The following EPHB2 variants were observed in gnomAD, a reference collection of about 807,000 sequenced individuals.
EPHB2 encodes the protein ephrin type-B receptor 2.
In EPHB2, 18 loss-of-function variants were observed where a neutral mutation model predicts 96.4. The ratio of observed to expected loss-of-function variants is 0.19; its 90% confidence interval spans 0.13 to 0.28. EPHB2 has a LOEUF of 0.28. Among genes scored for constraint, EPHB2 ranks in the 10% least tolerant of loss-of-function variants. The probability of loss-of-function intolerance (pLI) is 1.00; values close to 1 mark genes in which losing one functional copy is unlikely to be tolerated. For synonymous variants in EPHB2, 506 were observed against 534.1 expected (o/e 0.95, Z 0.72); for missense variants, 989 against 1,355.4 (o/e 0.73, Z 4.25).
Position 22,918,010 on chromosome 1 carries a change from G to A in EPHB2, c.*4440G>A, listed in dbSNP as rs1640311353. The stretch of plus-strand genomic sequence containing the variant: ...GAAGTGAAGGTTGATATAAGTGGAG[G>A]TTGAGGCAGTTTAGGCGTGATGTAC... On this transcript the variant is annotated 3_prime_UTR_variant, in exon 16 of 16. Transcript: ENST00000374630. The surrounding 1 kb of genome is among the most constrained non-coding windows in gnomAD (Gnocchi z 4.2). 1 of 152,446 alleles carries A rather than the reference G, an allele frequency of 6.6e-6. No individual in the cohort carries two copies. Among genetic ancestry groups the A allele is most frequent in the Non-Finnish European group, 1.5e-5 (1 of 68,262 alleles). 9.4% of individuals were successfully genotyped at this position (152,446 alleles called of 1,614,324 possible).
At chr1:22,823,560 A>G (rs1645182134) in intron 3 of EPHB2, among the ~76,000 whole-genome samples, 1 of 144,198 alleles carries the variant, frequency 6.9e-6, no homozygotes, top group Non-Finnish European at 1.5e-5. Context: ...CTAGACTGTG[A>G]TGCTCATACA....
Position 22,781,757 on chromosome 1 carries a change from C to G in EPHB2, c.126+272C>G, listed in dbSNP as rs141487311. Among the ~76,000 whole-genome samples the G allele has an allele frequency of 3.4e-3, 523 of 152,242 alleles. 1 individual carries two copies. Among genetic ancestry groups the G allele is most frequent in the African/African-American group, 0.011 (466 of 41,534 alleles). ...CAAGGCTGAGAAGTAGGTGCTCTCA[C>G]TACCCCCGTTTTACAGATGAAGAAA... is the stretch of plus-strand genomic sequence containing the variant. On this transcript the variant is annotated intron_variant, in intron 2 of 15. Coordinates refer to ENST00000374630, the MANE Select transcript of EPHB2 (RefSeq NM_017449.5).
intron 1 of EPHB2, among the ~76,000 whole-genome samples, chr1:22,764,617 G>A (rs566259953): frequency 2.0e-5 from 3 of 151,932 alleles, no homozygotes; most frequent in South Asian, 2.1e-4. Flanking sequence ...GTGGTGGCTC[G>A]CACCTATAAT....
intron 3 of EPHB2, among the ~76,000 whole-genome samples, chr1:22,812,261 GTGAAGCTGCGGCCCTGCCCGCGGGGCC>G (rs1395101629): frequency 6.6e-6 from 1 of 152,268 alleles, no homozygotes; most frequent in African/African-American, 2.4e-5. Context: ...CAGGGGAGCA[GTGAAGCTGCGGCCCTGCCCGCGGGGCC>G]TGAGCTGCTG....
chr1:22,891,011 G>A, intron 6 of EPHB2: 1 of 451,850 alleles, frequency 2.2e-6, no homozygotes, highest in South Asian at 1.6e-5. Flanking sequence ...TCCCAGACCA[G>A]GTCACATGTC....
intron 3 of EPHB2, among the ~76,000 whole-genome samples, chr1:22,855,080 G>A (rs537989240): frequency 4.6e-5 from 7 of 152,350 alleles, no homozygotes; most frequent in Middle Eastern, 3.4e-3. Flanking sequence ...GCTGGAAGAA[G>A]CCCTAGAGGG....
intron 3 of EPHB2, among the ~76,000 whole-genome samples, chr1:22,800,453 G>T (rs1644825995): frequency 6.6e-6 from 1 of 152,070 alleles, no homozygotes; most frequent in African/African-American, 2.4e-5. Context: ...GAGTGTGCTG[G>T]ATCAAAGCAC....
intron 3 of EPHB2, among the ~76,000 whole-genome samples, chr1:22,826,925 G>A (rs1257975032): frequency 6.6e-6 from 1 of 152,216 alleles, no homozygotes; most frequent in Non-Finnish European, 1.5e-5. Context: ...TTTATAAATT[G>A]AGCCAGGTTC....
chr1:22,905,041 C>G (rs1391304077), intron 9 of EPHB2, among the ~76,000 whole-genome samples: 2 of 152,162 alleles, frequency 1.3e-5, no homozygotes, highest in African/African-American at 4.8e-5. Flanking sequence ...TCAGGGAGGA[C>G]TGGGAGGTCT....
intron 1 of EPHB2, among the ~76,000 whole-genome samples, chr1:22,764,309 C>A (rs1365698815): frequency 2.0e-5 from 3 of 152,202 alleles, no homozygotes; most frequent in Non-Finnish European, 4.4e-5. Context: ...TTACTATAGC[C>A]AGGCTCTGGG....
At chr1:22,753,717 C>T (rs1348545242) in intron 1 of EPHB2, among the ~76,000 whole-genome samples, 2 of 152,120 alleles carry the variant, frequency 1.3e-5, no homozygotes, top group Admixed American at 6.5e-5. Context: ...GACAGTTTGT[C>T]GGGGAGCTTG....
chr1:22,825,647 A>G (rs1236098981), intron 3 of EPHB2, among the ~76,000 whole-genome samples: 3 of 152,238 alleles, frequency 2.0e-5, no homozygotes, highest in African/African-American at 7.2e-5. Flanking sequence ...CAGCTGGCTC[A>G]GAAAACCTGA....
rs1488905595 is a variant in EPHB2 at position 22,846,486 on chromosome 1, C to T, written c.812-16551C>T. 6.6e-6 allele frequency among the ~76,000 whole-genome samples: 1 copy of T among 151,946 alleles called. No homozygotes were observed. The highest frequency in any genetic ancestry group is 1.5e-5 in the Non-Finnish European group (1 of 68,006). On this transcript the variant is annotated intron_variant, in intron 3 of 15. Transcript: ENST00000374630. The surrounding 1 kb of genome is among the most constrained non-coding windows in gnomAD (Gnocchi z 4.3). ...CCGGGCAGACTTCTTCCTGATTTCT[C>T]CAGAGGTTCACAGACCGCCCTGCCA...
At chr1:22,829,392 A>G (rs1570351754) in intron 3 of EPHB2, among the ~76,000 whole-genome samples, 2 of 152,248 alleles carry the variant, frequency 1.3e-5, no homozygotes, top group African/African-American at 4.8e-5. Flanking sequence ...GCTTATGGGC[A>G]GGATGCCTGC....
At chr1:22,841,714 G>A (rs1036609563) in intron 3 of EPHB2, among the ~76,000 whole-genome samples, 2 of 152,200 alleles carry the variant, frequency 1.3e-5, no homozygotes, top group Non-Finnish European at 2.9e-5. Flanking sequence ...AGGCCATGGC[G>A]AGATGTGAAT....
At chr1:22,849,320 G>T (rs74061054) in intron 3 of EPHB2, among the ~76,000 whole-genome samples, 1 of 152,056 alleles carries the variant, frequency 6.6e-6, no homozygotes, top group Admixed American at 6.5e-5. Context: ...GCCCTTGTCC[G>T]TCTCCTTCGT....
intron 3 of EPHB2, among the ~76,000 whole-genome samples, chr1:22,789,146 C>G (rs1644656045): frequency 6.6e-6 from 1 of 152,180 alleles, no homozygotes; most frequent in African/African-American, 2.4e-5. Context: ...TTGGCTGGAC[C>G]AAGCTGGGAC....
chr1:22,881,411 G>T (rs1324853770), intron 5 of EPHB2, among the ~76,000 whole-genome samples: 1 of 151,656 alleles, frequency 6.6e-6, no homozygotes, highest in South Asian at 2.1e-4. Flanking sequence ...AAAAAAATTA[G>T]CCAGGCATGG....
chr1:22,781,676 G>C (rs931865576), intron 2 of EPHB2, among the ~76,000 whole-genome samples, 191 bp downstream of exon 2: 1 of 150,576 alleles, frequency 6.6e-6, no homozygotes, highest in Non-Finnish European at 1.5e-5. Context: ...GATGGAGCCA[G>C]TTACCATGAC....
Sources: gnomAD v4.1 joint callset for allele counts (sites outside exome capture counted in the v4.1 genomes callset) on GRCh38, gnomAD v4.1.1 for gene constraint, Gnocchi (gnomAD v3.1) non-coding constraint, MANE v1.5 for transcripts, NCBI Gene and HGNC (gene_info 2026-07-23, HGNC 2026-07-21) for gene names.